The following KAZN variants were observed in gnomAD, a reference collection of about 807,000 sequenced individuals.
The protein encoded by KAZN is kazrin, periplakin interacting protein, also known as kazrin.
A neutral mutation model predicts 87.4 loss-of-function variants in KAZN; 40 were observed. The ratio of observed to expected loss-of-function variants is 0.46; its 90% CI spans 0.36 to 0.60. KAZN has a LOEUF of 0.60. KAZN is among the 20% of genes least tolerant of loss of function. KAZN has a pLI of 0.00. For synonymous variants in KAZN, 466 were observed against 458.3 expected, an observed-to-expected ratio of 1.02 and a Z score of -0.22; for missense variants, 898 against 1,073.9, an observed-to-expected ratio of 0.84 and a Z score of 2.29.
chr1:14,979,282 G>A (rs1045608203), intron 2 of KAZN, among the ~76,000 whole-genome samples: 5 of 151,494 alleles, frequency 3.3e-5, no homozygotes, highest in South Asian at 2.1e-4. Context: ...GGTGGTGGGC[G>A]CCTGTAATCC....
intron 1 of KAZN, among the ~76,000 whole-genome samples, chr1:14,797,135 A>G (rs1384654543): frequency 2.0e-5 from 3 of 151,994 alleles, no homozygotes; most frequent in Non-Finnish European, 4.4e-5. Context: ...ATCTCGGCTC[A>G]CTGCAGCCTC....
chr1:14,575,378 CAA>C (rs1020822498), intron 2 of KAZN, among the ~76,000 whole-genome samples: 2 of 152,138 alleles, frequency 1.3e-5, no homozygotes, highest in African/African-American at 4.8e-5. Context: ...TGGTGGCAGA[CAA>C]GAGAGAATGA....
At chr1:14,261,516 G>C (rs1651014778) in intron 2 of KAZN, among the ~76,000 whole-genome samples, 1 of 152,284 alleles carries the variant, frequency 6.6e-6, no homozygotes, top group African/African-American at 2.4e-5. Flanking sequence ...TTTCTGCGTG[G>C]CCTTTTACCA....
intron 8 of KAZN, among the ~76,000 whole-genome samples, chr1:15,072,550 G>A (rs2100596623): frequency 6.6e-6 from 1 of 152,340 alleles, no homozygotes; most frequent in African/African-American, 2.4e-5. Flanking sequence ...AGCCTGGTCT[G>A]GAAGTCAGGG....
At chr1:14,917,849 T>TCTTCCTTC (rs139509752) in intron 1 of KAZN, among the ~76,000 whole-genome samples, 13,575 of 148,722 alleles carry the variant, frequency 0.091, 785 homozygotes, top group Non-Finnish European at 0.13. Context: ...CTTCTTTCTT[T>TCTTCCTTC]CTTCCTTCCT....
chr1:14,293,218 G>T (rs1446729727), intron 2 of KAZN, among the ~76,000 whole-genome samples: 1 of 152,104 alleles, frequency 6.6e-6, no homozygotes, highest in East Asian at 1.9e-4. Flanking sequence ...AGCCCCGAAG[G>T]GAACCAATAT....
chr1:14,546,434 C>CT (rs146320531), intron 2 of KAZN, among the ~76,000 whole-genome samples: 25 of 151,056 alleles, frequency 1.7e-4, no homozygotes, highest in South Asian at 6.4e-4. Flanking sequence ...ATGTGAGGGC[C>CT]TTTTTTTTTC....
intron 1 of KAZN, among the ~76,000 whole-genome samples, chr1:14,052,474 T>TCACAGGG (rs1395455489): frequency 6.6e-6 from 1 of 151,958 alleles, no homozygotes; most frequent in Non-Finnish European, 1.5e-5. Context: ...GAGTTTACAA[T>TCACAGGG]TAAGATCATA....
chr1:14,794,679 ATCAG>A (rs1645778904), intron 1 of KAZN, among the ~76,000 whole-genome samples: 1 of 152,224 alleles, frequency 6.6e-6, no homozygotes, highest in African/African-American at 2.4e-5. Flanking sequence ...ACCACTGGGT[ATCAG>A]TAAGTACTTC....
chr1:14,163,203 A>T (rs1645748151), intron 1 of KAZN, among the ~76,000 whole-genome samples: 1 of 152,166 alleles, frequency 6.6e-6, no homozygotes, highest in Admixed American at 6.5e-5. Context: ...CAAATTTTAG[A>T]GCAGGAGTGA....
chr1:14,832,926 CG>C (rs1395834072), intron 1 of KAZN, among the ~76,000 whole-genome samples: 1 of 152,146 alleles, frequency 6.6e-6, no homozygotes. Flanking sequence ...TGTCGAAGGC[CG>C]CTTTTGTGCT....
chr1:14,330,301 C>A (rs887456425), intron 2 of KAZN, among the ~76,000 whole-genome samples: 3 of 152,224 alleles, frequency 2.0e-5, no homozygotes, highest in Non-Finnish European at 4.4e-5. Flanking sequence ...CTGCCCATTT[C>A]TCCCAATGCT....
At chr1:14,897,253 A>G (rs1655376710) in intron 1 of KAZN, among the ~76,000 whole-genome samples, 1 of 152,118 alleles carries the variant, frequency 6.6e-6, no homozygotes, top group Non-Finnish European at 1.5e-5. Context: ...AAACCACTCC[A>G]CCCATTGGTG....
At position 15,050,024 on chromosome 1, in the gene KAZN, AGTAGGGTAGGGTAGG is replaced by A. The variant is rs762329299; in HGVS notation, c.726+5895_726+5909del. 2.0e-4 allele frequency among the ~76,000 whole-genome samples: 24 copies of A among 120,418 alleles called. 1 individual carries two copies. The highest frequency in any genetic ancestry group is 4.5e-4 in the East Asian group (1 of 2,230). 79.0% of individuals were successfully genotyped at this position (120,418 alleles called of 152,430 possible). The stretch of plus-strand genomic sequence containing the variant: ...ACAGAGTGAGACTCCATCAGAGTAG[AGTAGGGTAGGGTAGG>A]GTAGGGTAGGGTAGGGTAGGGTAGG... On this transcript the variant is annotated intron_variant, in intron 4 of 14. Transcript: ENST00000376030.
At chr1:13,978,462 A>G (rs1638484332) in intron 1 of KAZN, among the ~76,000 whole-genome samples, 1 of 149,316 alleles carries the variant, frequency 6.7e-6, no homozygotes, top group Admixed American at 6.8e-5. Flanking sequence ...ACATTAAAAA[A>G]GCAGAATATA....
At chr1:14,982,599 T>C (rs1220982171) in intron 2 of KAZN, among the ~76,000 whole-genome samples, 1 of 151,916 alleles carries the variant, frequency 6.6e-6, no homozygotes, top group African/African-American at 2.4e-5. Flanking sequence ...CCAGCTAATA[T>C]TGTATTTAGT....
chr1:15,089,291 C>G (rs1022249370), intron 8 of KAZN, among the ~76,000 whole-genome samples: 6 of 152,110 alleles, frequency 3.9e-5, no homozygotes, highest in Admixed American at 1.3e-4. Context: ...CAGACACCCC[C>G]CACCCACCCA....
intron 8 of KAZN, among the ~76,000 whole-genome samples, chr1:15,089,732 CAAAAAAAAAAAA>C (rs56260619): frequency 0.036 from 2,460 of 69,128 alleles, 70 homozygotes; most frequent in African/African-American, 0.094. Context: ...CTTTTATTGG[CAAAAAAAAAAAA>C]AAAAAAAAAA....
At chr1:13,987,371 TC>T (rs2101098577) in intron 1 of KAZN, among the ~76,000 whole-genome samples, 1 of 152,280 alleles carries the variant, frequency 6.6e-6, no homozygotes, top group Admixed American at 6.5e-5. Flanking sequence ...CCTCCCTGTG[TC>T]CATGTATTCT....
Sources: allele counts gnomAD v4.1 joint callset (sites outside exome capture counted in the v4.1 genomes callset), GRCh38; gene constraint gnomAD v4.1.1; transcripts MANE v1.5; gene names NCBI Gene and HGNC (gene_info 2026-07-23, HGNC 2026-07-21).